The following LASP1 variants were observed in gnomAD, a reference collection of about 807,000 sequenced individuals.
LASP1 encodes the protein LIM and SH3 protein 1.
LASP1 carries 10 observed loss-of-function variants against 38.6 expected under a neutral mutation model. The ratio of observed to expected loss-of-function variants is 0.26; its 90% CI spans 0.16 to 0.44. The LOEUF (loss-of-function observed/expected upper bound fraction) is 0.44. Ranked by LOEUF, LASP1 falls within the 20% of genes least tolerant of loss-of-function variation. The pLI is 1.00. For missense variants in LASP1, 243 were observed against 375.7 expected, an observed-to-expected ratio of 0.65 and a Z score of 2.92; for synonymous variants, 132 against 140.8, an observed-to-expected ratio of 0.94 and a Z score of 0.44.
Position 38,914,489 on chromosome 17 carries a change from C to G in LASP1, c.508+14C>G. On this transcript the variant is annotated intron_variant, in intron 5 of 6. Transcript: ENST00000318008. ...CCAGTGCCCCGGGTGAGTGCAGGTC[C>G]TGTTGGTGCAGATGACCTGAGGCGA... 6.3e-7 allele frequency: 1 copy of G among 1,583,264 alleles called. No homozygotes were observed. The highest frequency in any genetic ancestry group is 8.6e-7 in the Non-Finnish European group (1 of 1,164,796).
chr17:38,886,747 C>T (rs963739509), intron 2 of LASP1, among the ~76,000 whole-genome samples: 3 of 151,874 alleles, frequency 2.0e-5, no homozygotes, highest in East Asian at 3.9e-4. Flanking sequence ...GCCTGGGTGT[C>T]TTGGAGGCGC....
At chr17:38,874,451 C>T (rs1382575945) in intron 1 of LASP1, among the ~76,000 whole-genome samples, 1 of 152,094 alleles carries the variant, frequency 6.6e-6, no homozygotes, top group Non-Finnish European at 1.5e-5. Flanking sequence ...TGGCCATTTT[C>T]TGCCTCCCCT....
At chr17:38,899,909 T>C (rs1914593026) in intron 4 of LASP1, among the ~76,000 whole-genome samples, 1 of 151,942 alleles carries the variant, frequency 6.6e-6, no homozygotes, top group Non-Finnish European at 1.5e-5. Flanking sequence ...TTTGTATTTT[T>C]GGTAGAGACA....
intron 2 of LASP1, among the ~76,000 whole-genome samples, chr17:38,886,704 G>A (rs1464150084): frequency 1.3e-5 from 2 of 151,990 alleles, no homozygotes; most frequent in African/African-American, 4.8e-5. Flanking sequence ...TGGGGTGCAG[G>A]GGGTGTGTGG....
intron 2 of LASP1, among the ~76,000 whole-genome samples, chr17:38,880,216 T>G (rs1913903493): frequency 6.6e-6 from 1 of 152,204 alleles, no homozygotes; most frequent in South Asian, 2.1e-4. Flanking sequence ...GACCGAGCCT[T>G]GGAGCCCAGT....
chr17:38,880,525 C>T (rs1035252063), intron 2 of LASP1, among the ~76,000 whole-genome samples: 2 of 152,230 alleles, frequency 1.3e-5, no homozygotes, highest in African/African-American at 2.4e-5. Context: ...ATGTTTCCTC[C>T]AGCTTTTGTA....
At chr17:38,913,730 G>A (rs961184496) in intron 4 of LASP1, among the ~76,000 whole-genome samples, 3 of 152,190 alleles carry the variant, frequency 2.0e-5, no homozygotes, top group Non-Finnish European at 2.9e-5. Context: ...GGCCGGTCAC[G>A]GTGGCTCACG....
intron 1 of LASP1, among the ~76,000 whole-genome samples, chr17:38,875,000 C>T (rs903886872): frequency 2.0e-5 from 3 of 151,784 alleles, no homozygotes; most frequent in Admixed American, 6.6e-5. Context: ...GTCTCCCCAA[C>T]GTCAATCAGG....
Position 38,900,577 on chromosome 17 carries a change from A to C in LASP1, c.357+2058A>C, listed in dbSNP as rs559138643. 1.1e-4 allele frequency among the ~76,000 whole-genome samples: 16 copies of C among 152,042 alleles called. No homozygotes were observed. The South Asian group carries it at 2.9e-3, about 28-fold the overall frequency. On this transcript the variant is annotated intron_variant, in intron 4 of 6. Coordinates refer to ENST00000318008, the MANE Select transcript of LASP1 (RefSeq NM_006148.4). Reference sequence around the variant, plus strand: ...AATCCCAGCTACTTGGGAGGCTGAGACAGAAGAACCGCTTGAACTCGGGAG... The same window carrying C: ...AATCCCAGCTACTTGGGAGGCTGAGCCAGAAGAACCGCTTGAACTCGGGAG...
At chr17:38,870,938 T>A (rs920294686) in intron 1 of LASP1, among the ~76,000 whole-genome samples, 8 of 152,132 alleles carry the variant, frequency 5.3e-5, no homozygotes, top group African/African-American at 1.9e-4. Flanking sequence ...AAAAGCCAAC[T>A]CCCGGTGCTG....
intron 1 of LASP1, among the ~76,000 whole-genome samples, chr17:38,875,924 T>G (rs1458683450): frequency 6.6e-6 from 1 of 152,142 alleles, no homozygotes; most frequent in African/African-American, 2.4e-5. Context: ...CTCCTTCTTT[T>G]GGAATGGGGA....
chr17:38,898,828 AC>A, intron 4 of LASP1: 1 of 473,328 alleles, frequency 2.1e-6, no homozygotes, highest in Non-Finnish European at 4.2e-6. Flanking sequence ...ATCGGTGAAG[AC>A]TGCATGTCTC....
chr17:38,900,005 C>G (rs182655292), intron 4 of LASP1, among the ~76,000 whole-genome samples: 1 of 151,736 alleles, frequency 6.6e-6, no homozygotes, highest in African/African-American at 2.4e-5. Context: ...GCTAAGATTA[C>G]AGGTGTGAGC....
In LASP1 at chr17:38,918,021, T is replaced by A. The variant is rs1915181897; in HGVS notation, c.613-584T>A. Among the ~76,000 whole-genome samples, 1 of 151,520 alleles carries A rather than the reference T, an allele frequency of 6.6e-6. No individual in the cohort carries two copies. The highest frequency in any genetic ancestry group is 2.4e-5 in the African/African-American group (1 of 41,198). On this transcript the variant is annotated intron_variant, in intron 6 of 6. Transcript: ENST00000318008. This position sits in a 1 kb window ranked among gnomAD's most constrained non-coding sequence, Gnocchi z 4.4. ...CGGGCATGGTGGTACACGCTTATAGTCCCAGCTACTTGGGAGGCTGAGGCA... is the reference window on the plus strand; with the variant it reads ...CGGGCATGGTGGTACACGCTTATAGACCCAGCTACTTGGGAGGCTGAGGCA...
At chr17:38,873,691 G>T (rs1037204465) in intron 1 of LASP1, among the ~76,000 whole-genome samples, 4 of 152,228 alleles carry the variant, frequency 2.6e-5, no homozygotes, top group Non-Finnish European at 4.4e-5. Flanking sequence ...ATTTGTGGAG[G>T]TGCAGCAAAG....
intron 4 of LASP1, 183 bp downstream of exon 4, chr17:38,898,702 G>C (rs780611002): frequency 1.5e-6 from 1 of 668,988 alleles, no homozygotes; most frequent in Non-Finnish European, 2.7e-6. Flanking sequence ...TGTACCCCCA[G>C]ACCACCAGCA....
chr17:38,892,045 C>T (rs1417085476), intron 3 of LASP1, among the ~76,000 whole-genome samples: 1 of 152,086 alleles, frequency 6.6e-6, no homozygotes, highest in Non-Finnish European at 1.5e-5. Context: ...GCCATGATCG[C>T]ACCACTACAC....
intron 4 of LASP1, among the ~76,000 whole-genome samples, chr17:38,909,585 C>T (rs1465796306): frequency 2.7e-5 from 4 of 149,800 alleles, no homozygotes; most frequent in South Asian, 2.1e-4. Flanking sequence ...CCAGCCTGGG[C>T]GACAGAGCGA....
chr17:38,898,732 G>T, intron 4 of LASP1: 1 of 628,250 alleles, frequency 1.6e-6, no homozygotes, highest in East Asian at 3.2e-5. Context: ...TTTTCTTCTT[G>T]AAGGGACTGT....
Sources: allele counts gnomAD v4.1 joint callset (sites outside exome capture counted in the v4.1 genomes callset), GRCh38; gene constraint gnomAD v4.1.1; non-coding constraint Gnocchi (gnomAD v3.1); transcripts MANE v1.5; gene names NCBI Gene and HGNC (gene_info 2026-07-23, HGNC 2026-07-21).